The following RHOBTB2 variants were observed in gnomAD, a reference collection of about 807,000 sequenced individuals.
The protein encoded by RHOBTB2 is Rho related BTB domain containing 2.
A neutral mutation model predicts 66.5 loss-of-function variants in RHOBTB2; 39 were observed. The ratio of observed to expected loss-of-function variants is 0.59; its 90% CI spans 0.45 to 0.77. The LOEUF is 0.77. Ranked by LOEUF, RHOBTB2 falls within the 30% of genes least tolerant of loss-of-function variation. The pLI, the probability that RHOBTB2 is intolerant of heterozygous loss-of-function variation, is 0.00. For synonymous variants in RHOBTB2, 390 were observed against 395.0 expected (o/e 0.99, Z 0.15); for missense variants, 755 against 999.1 (o/e 0.76, Z 3.29).
At chr8:22,981,826 G>A in the RHOBTB2 span, among the ~76,000 whole-genome samples, 2 of 152,186 alleles carry the variant, frequency 1.3e-5, no homozygotes, top group Non-Finnish European at 2.9e-5. Flanking sequence ...CGAGTTTAGG[G>A]TCTCAGCCTG....
At chr8:22,974,835 A>T in the RHOBTB2 span, among the ~76,000 whole-genome samples, 1 of 152,140 alleles carries the variant, frequency 6.6e-6, no homozygotes, top group Non-Finnish European at 1.5e-5. Flanking sequence ...ACTGTGCACA[A>T]TCAGGTACTA....
At chr8:22,956,748 G>C in the RHOBTB2 span, among the ~76,000 whole-genome samples, 1 of 152,110 alleles carries the variant, frequency 6.6e-6, no homozygotes, top group Non-Finnish European at 1.5e-5. Flanking sequence ...TGCAACCTCC[G>C]CCTCCCGGAT....
the RHOBTB2 span, among the ~76,000 whole-genome samples, chr8:22,974,776 C>T: frequency 3.9e-5 from 6 of 152,082 alleles, no homozygotes; most frequent in Non-Finnish European, 8.8e-5. Flanking sequence ...CTGCTGGGAG[C>T]TGCATGGCCC....
chr8:22,952,176 C>T, the RHOBTB2 span, among the ~76,000 whole-genome samples: 2 of 152,142 alleles, frequency 1.3e-5, no homozygotes, highest in South Asian at 4.1e-4. Context: ...AATTTGCCAC[C>T]TAAAGTATGC....
chr8:22,953,214 A>C, the RHOBTB2 span, among the ~76,000 whole-genome samples: 2 of 152,156 alleles, frequency 1.3e-5, no homozygotes, highest in Non-Finnish European at 2.9e-5. Flanking sequence ...GTCATGTACC[A>C]GTTACACTCC....
intron 7 of RHOBTB2, among the ~76,000 whole-genome samples, chr8:23,011,778 T>C (rs1811155230): frequency 6.6e-6 from 1 of 152,130 alleles, no homozygotes; most frequent in Non-Finnish European, 1.5e-5. Flanking sequence ...GAGGTTAATA[T>C]TCTTGCATAG....
the RHOBTB2 span, among the ~76,000 whole-genome samples, chr8:22,967,418 G>A: frequency 1.4e-4 from 22 of 151,734 alleles, no homozygotes; most frequent in East Asian, 2.5e-3. Flanking sequence ...AGACCATCCC[G>A]GCCAACATGG....
the RHOBTB2 span, among the ~76,000 whole-genome samples, chr8:22,973,477 T>A: frequency 6.6e-6 from 1 of 152,158 alleles, no homozygotes; most frequent in South Asian, 2.1e-4. Flanking sequence ...CAAGCAATCT[T>A]CCCACCTTGG....
the RHOBTB2 span, among the ~76,000 whole-genome samples, chr8:22,958,795 C>T: frequency 9.1e-6 from 1 of 110,234 alleles, no homozygotes; most frequent in African/African-American, 3.6e-5. Context: ...AGAGTGAGCC[C>T]CTCTCTGAAA....
At chr8:22,981,410 C>A in the RHOBTB2 span, among the ~76,000 whole-genome samples, 1 of 152,034 alleles carries the variant, frequency 6.6e-6, no homozygotes, top group Non-Finnish European at 1.5e-5. Context: ...GGTGTAGGAC[C>A]CCCTCACCCT....
At chr8:22,994,408 C>T (rs1420417141) in intron 2 of RHOBTB2, among the ~76,000 whole-genome samples, 1 of 152,206 alleles carries the variant, frequency 6.6e-6, no homozygotes, top group Non-Finnish European at 1.5e-5. Context: ...TCTCACCCCG[C>T]GCTGGACCCG....
At chr8:22,972,142 C>G in the RHOBTB2 span, among the ~76,000 whole-genome samples, 1 of 152,210 alleles carries the variant, frequency 6.6e-6, no homozygotes, top group East Asian at 1.9e-4. Flanking sequence ...TCCTCGCATT[C>G]CGTCAAAGGC....
At chr8:22,968,159 A>G in the RHOBTB2 span, among the ~76,000 whole-genome samples, 4 of 152,128 alleles carry the variant, frequency 2.6e-5, no homozygotes, top group South Asian at 8.3e-4. Flanking sequence ...TGTCTCAAAA[A>G]AAAAAAAAAT....
Position 23,018,243 on chromosome 8 carries a change from T to G in RHOBTB2, c.*774T>G, listed in dbSNP as rs1811352755. The G allele has an allele frequency of 6.6e-6, 1 of 152,424 alleles. No individual in the cohort carries two copies. The highest frequency in any genetic ancestry group is 2.1e-4 in the South Asian group (1 of 4,822). The allele number at this position is 152,424 out of a possible 1,614,324, so 9.4% of individuals were successfully genotyped here. A position where few individuals can be genotyped will look rare whatever the true frequency, so the allele number is the denominator to read the frequency against. On this transcript the variant is annotated 3_prime_UTR_variant, in exon 10 of 10. Transcript: ENST00000251822. The stretch of plus-strand genomic sequence containing the variant: ...AACCAAAGGAAGCAGCTGGGACAGG[T>G]GGAGAAGGAAGTAGGAATGAGTGCA...
At chr8:22,962,204 A>AG in the RHOBTB2 span, among the ~76,000 whole-genome samples, 1 of 137,472 alleles carries the variant, frequency 7.3e-6, no homozygotes, top group Non-Finnish European at 1.6e-5. Context: ...AAAAAAAAAA[A>AG]AAAAAAAAAG....
chr8:22,954,064 G>A, the RHOBTB2 span, among the ~76,000 whole-genome samples: 1 of 152,210 alleles, frequency 6.6e-6, no homozygotes, highest in African/African-American at 2.4e-5. Context: ...ATATGTGACT[G>A]TTAAAGGGTG....
At position 23,008,032 on chromosome 8, in the gene RHOBTB2, A is replaced by T; in HGVS notation, c.1541A>T (p.His514Leu). 1 of 1,613,850 alleles carries T rather than the reference A, an allele frequency of 6.2e-7. No individual in the cohort carries two copies. Among genetic ancestry groups the T allele is most frequent in the Non-Finnish European group, 8.5e-7 (1 of 1,179,948 alleles). ...CTGGATGATGGCACCATCAGCGCCC[A>T]CAAGCCCCTGTTGATTTCCAGCTGT... ...FILDDGTISA[H>L]KPLLISSCDW... is the part of the protein sequence containing the mutation. The change falls in exon 6 of 10, where the codon CAC (histidine) becomes CTC (leucine). Residue 514 changes from histidine (H) to leucine (L), a missense_variant. Coordinates refer to ENST00000251822, the MANE Select transcript of RHOBTB2 (RefSeq NM_015178.3).
the RHOBTB2 span, among the ~76,000 whole-genome samples, chr8:22,973,120 C>G: frequency 6.6e-6 from 1 of 152,200 alleles, no homozygotes; most frequent in Non-Finnish European, 1.5e-5. Flanking sequence ...CCACCTGCCC[C>G]CAAGACAGTG....
At chr8:22,985,278 G>A (rs1246565373), upstream of RHOBTB2, among the ~76,000 whole-genome samples, 2 of 152,262 alleles carry the variant, frequency 1.3e-5, no homozygotes, top group African/African-American at 4.8e-5. Context: ...GATCTAAGAA[G>A]CAGATGTTCA....
Sources: gnomAD v4.1 joint callset for allele counts (sites outside exome capture counted in the v4.1 genomes callset) on GRCh38, gnomAD v4.1.1 for gene constraint, MANE v1.5 for transcripts, NCBI Gene and HGNC (gene_info 2026-07-23, HGNC 2026-07-21) for gene names.